Variants in RPS6KC1 observed in about 807,000 individuals in gnomAD.
The protein encoded by RPS6KC1 is inactive ribosomal protein S6 kinase delta-1.
Under a neutral mutation model 103.8 loss-of-function variants are expected in RPS6KC1, and 54 were observed. The observed-to-expected ratio is 0.52, with a 90% CI of 0.42 to 0.65. The LOEUF (loss-of-function observed/expected upper bound fraction) is 0.65, where lower values mean the gene tolerates loss of function less well. RPS6KC1 is among the 30% of genes least tolerant of loss of function. The pLI is 0.00. For synonymous variants in RPS6KC1, 439 were observed against 438.7 expected, an observed-to-expected ratio of 1.00 and a Z score of -0.01; for missense variants, 1,151 against 1,253.8, an observed-to-expected ratio of 0.92 and a Z score of 1.24.
chr1:213,680,105 C>T, the RPS6KC1 span, among the ~76,000 whole-genome samples: 22 of 151,972 alleles, frequency 1.4e-4, no homozygotes, highest in Non-Finnish European at 1.5e-5. Flanking sequence ...AAAGAAGGAA[C>T]GATCCAGAAT....
the RPS6KC1 span, among the ~76,000 whole-genome samples, chr1:213,734,482 C>T: frequency 6.6e-6 from 1 of 152,276 alleles, no homozygotes; most frequent in South Asian, 2.1e-4. Flanking sequence ...AGTCAGTAGG[C>T]CACAGAGCAG....
chr1:213,412,486 A>G, the RPS6KC1 span, among the ~76,000 whole-genome samples: 1 of 152,142 alleles, frequency 6.6e-6, no homozygotes, highest in Non-Finnish European at 1.5e-5. Context: ...GCTTCTTGAC[A>G]TTTCTGTATG....
In RPS6KC1 at chr1:213,232,168, A is replaced by G. The variant is rs148124485; in HGVS notation, c.1138A>G (p.Ile380Val). 2 of 1,613,890 alleles carry G rather than the reference A, an allele frequency of 1.2e-6. No individual in the cohort carries two copies. Among genetic ancestry groups the G allele is most frequent in the African/African-American group, 2.7e-5 (2 of 74,934 alleles). The change falls in exon 10 of 15, where the codon ATC becomes GTC. Residue 380 changes from isoleucine to valine, a missense_variant. Physicochemically the swap from Ile to Val is conservative, Grantham distance 29. Coordinates refer to ENST00000366960, the MANE Select transcript of RPS6KC1 (RefSeq NM_012424.6). Reference sequence around the variant, plus strand: ...ATACAGCAGGAACAGAAAGACCATCATCCCCCGCTGTGTGCCCAACATGGT... The same window carrying G: ...ATACAGCAGGAACAGAAAGACCATCGTCCCCCGCTGTGTGCCCAACATGGT... ...SEYSRNRKTIIPRCVPNMVCL... is the reference protein window; with the variant it reads ...SEYSRNRKTIVPRCVPNMVCL...
intron 14 of RPS6KC1, among the ~76,000 whole-genome samples, chr1:213,268,554 AATTT>A (rs1019797746): frequency 4.3e-4 from 64 of 148,000 alleles, no homozygotes; most frequent in Non-Finnish European, 7.1e-4. Context: ...ATTTATATAT[AATTT>A]ATTTATATAT....
At chr1:213,211,525 A>G (rs540865036) in intron 8 of RPS6KC1, among the ~76,000 whole-genome samples, 1 of 152,136 alleles carries the variant, frequency 6.6e-6, no homozygotes, top group Non-Finnish European at 1.5e-5. Context: ...ATTTATATCC[A>G]TTTTCCTTAC....
the RPS6KC1 span, among the ~76,000 whole-genome samples, chr1:213,606,006 C>T: frequency 4.6e-5 from 7 of 152,224 alleles, no homozygotes; most frequent in Admixed American, 1.3e-4. Flanking sequence ...TAATGAGAAA[C>T]GCTTCCTGTA....
the RPS6KC1 span, among the ~76,000 whole-genome samples, chr1:213,478,672 G>A: frequency 6.6e-6 from 1 of 152,136 alleles, no homozygotes; most frequent in South Asian, 2.1e-4. Flanking sequence ...TTGGCAAGGT[G>A]TCTGCTCAGA....
At chr1:213,339,470 G>A in the RPS6KC1 span, among the ~76,000 whole-genome samples, 13 of 152,170 alleles carry the variant, frequency 8.5e-5, no homozygotes, top group African/African-American at 3.1e-4. Flanking sequence ...GAGCTAAATA[G>A]TGTAGCGTTG....
At chr1:213,586,256 A>C in the RPS6KC1 span, among the ~76,000 whole-genome samples, 9 of 152,344 alleles carry the variant, frequency 5.9e-5, no homozygotes, top group East Asian at 1.9e-4. Flanking sequence ...TGTCTTTTTT[A>C]AACAACAGAC....
At chr1:213,686,483 G>C in the RPS6KC1 span, among the ~76,000 whole-genome samples, 1 of 152,170 alleles carries the variant, frequency 6.6e-6, no homozygotes, top group Admixed American at 6.5e-5. Context: ...ATTCTGTGTA[G>C]AGAATCAGGA....
chr1:213,770,842 T>C, the RPS6KC1 span, among the ~76,000 whole-genome samples: 1 of 152,210 alleles, frequency 6.6e-6, no homozygotes, highest in Non-Finnish European at 1.5e-5. Context: ...GTCCAGAAAA[T>C]GAAGAAAATA....
At chr1:213,343,434 T>C in the RPS6KC1 span, among the ~76,000 whole-genome samples, 56 of 70,978 alleles carry the variant, frequency 7.9e-4, 1 homozygote, top group African/African-American at 2.1e-3. Flanking sequence ...TATATATATA[T>C]ATATATACAT....
the RPS6KC1 span, among the ~76,000 whole-genome samples, chr1:213,436,162 G>T: frequency 6.6e-6 from 1 of 152,152 alleles, no homozygotes; most frequent in Admixed American, 6.5e-5. Flanking sequence ...TGGGTTGAAC[G>T]CAACAGTCTT....
chr1:213,077,773 A>G lies in RPS6KC1; in HGVS notation c.219A>G (p.Arg73=). ...GGCAAATTCACAAAAACTTATTCCGACATTCAGAGTTGTTTCCTCCATTTG... is the reference window on the plus strand; with the variant it reads ...GGCAAATTCACAAAAACTTATTCCGGCATTCAGAGTTGTTTCCTCCATTTG... ...ELWQIHKNLF[R]HSELFPPFAK... is the part of the protein sequence containing the mutation. The change falls in exon 3 of 15, where the codon CGA becomes CGG. Residue 73 remains arginine (R), a synonymous_variant. Coordinates refer to ENST00000366960, the MANE Select transcript of RPS6KC1 (RefSeq NM_012424.6). The G allele has an allele frequency of 6.4e-7, 1 of 1,569,150 alleles. No homozygotes were observed. Among genetic ancestry groups the G allele is most frequent in the Non-Finnish European group, 8.7e-7 (1 of 1,151,830 alleles).
At chr1:213,419,795 G>T in the RPS6KC1 span, among the ~76,000 whole-genome samples, 1 of 152,350 alleles carries the variant, frequency 6.6e-6, no homozygotes, top group South Asian at 2.1e-4. Context: ...TGAGCTGCAT[G>T]TGTCAGGGTC....
chr1:213,348,172 A>G, the RPS6KC1 span, among the ~76,000 whole-genome samples: 5 of 152,294 alleles, frequency 3.3e-5, no homozygotes, highest in East Asian at 3.9e-4. Context: ...TCCGGGCCCA[A>G]GAGGTTTTCA....
intron 6 of RPS6KC1, among the ~76,000 whole-genome samples, chr1:213,151,045 T>A: frequency 7.5e-6 from 1 of 132,472 alleles, no homozygotes; most frequent in Non-Finnish European, 1.6e-5. Flanking sequence ...GCAGAGGGGC[T>A]CCTCACTTCC....
chr1:213,358,198 C>T, the RPS6KC1 span, among the ~76,000 whole-genome samples: 91,913 of 151,604 alleles, frequency 0.61, 29,426 homozygotes, highest in East Asian at 0.93. Context: ...GGAATAGTTT[C>T]AGAAGGAATG....
chr1:213,092,409 T>C (rs1364311246), intron 3 of RPS6KC1, among the ~76,000 whole-genome samples: 1 of 152,162 alleles, frequency 6.6e-6, no homozygotes, highest in Non-Finnish European at 1.5e-5. Flanking sequence ...CGGTGGCTCA[T>C]GTCTGTAATC....
Sources: allele counts gnomAD v4.1 joint callset (sites outside exome capture counted in the v4.1 genomes callset), GRCh38; gene constraint gnomAD v4.1.1; transcripts MANE v1.5; gene names NCBI Gene and HGNC (gene_info 2026-07-23, HGNC 2026-07-21).